CRPPA: variants seen among roughly 807,000 people sequenced by gnomAD.
CRPPA encodes CDP-L-ribitol pyrophosphorylase A.
In CRPPA, 43 loss-of-function variants were observed where a neutral mutation model predicts 52.0. That is an observed-to-expected ratio of 0.83 (90% CI 0.65 to 1.07). The LOEUF (loss-of-function observed/expected upper bound fraction) is 1.07. Ranked by LOEUF, CRPPA falls within the 50% of genes least tolerant of loss-of-function variation. The probability of loss-of-function intolerance (pLI) is 0.00; values close to 1 mark genes in which losing one functional copy is unlikely to be tolerated. For synonymous variants in CRPPA, 250 were observed against 203.5 expected (o/e 1.23, Z -1.94); for missense variants, 629 against 551.7 (o/e 1.14, Z -1.40).
chr7:16,242,213 C>G (rs1370000056), intron 8 of CRPPA, among the ~76,000 whole-genome samples: 1 of 151,942 alleles, frequency 6.6e-6, no homozygotes, highest in Non-Finnish European at 1.5e-5. Flanking sequence ...CTCTGCCTCC[C>G]AAAGTGTTGG....
chr7:16,088,510 C>T lies in CRPPA; in HGVS notation c.*3185G>A, dbSNP rs1013622565. ...TCGGCTCACTGCAAGCTCCGCCTCC[C>T]AGGTTGACGCCATTCTCCTGCCTAA... On this transcript the variant is annotated 3_prime_UTR_variant, in exon 10 of 10. Transcript: ENST00000407010. 8 of 151,180 alleles carry T rather than the reference C, an allele frequency of 5.3e-5. No individual in the cohort carries two copies. Among genetic ancestry groups the T allele is most frequent in the African/African-American group, 1.7e-4 (7 of 41,060 alleles). 9.4% of individuals were successfully genotyped at this position (151,180 alleles called of 1,614,324 possible).
At chr7:16,323,693 T>A (rs1368031071) in intron 3 of CRPPA, among the ~76,000 whole-genome samples, 1 of 152,198 alleles carries the variant, frequency 6.6e-6, no homozygotes, top group Non-Finnish European at 1.5e-5. Flanking sequence ...CAAACTGATA[T>A]AATTGCTTAA....
chr7:16,155,735 T>C (rs1385499528), intron 9 of CRPPA, among the ~76,000 whole-genome samples: 1 of 152,220 alleles, frequency 6.6e-6, no homozygotes, highest in East Asian at 1.9e-4. Context: ...ATTATGCTAT[T>C]AGTAGTCAAG....
At chr7:16,171,055 T>A (rs2128385267) in intron 9 of CRPPA, among the ~76,000 whole-genome samples, 1 of 152,300 alleles carries the variant, frequency 6.6e-6, no homozygotes, top group South Asian at 2.1e-4. Flanking sequence ...TCCTCAAGCG[T>A]GGTCAGAGTG....
intron 9 of CRPPA, among the ~76,000 whole-genome samples, chr7:16,131,816 A>T (rs558964072): frequency 1.3e-5 from 2 of 152,298 alleles, no homozygotes; most frequent in South Asian, 4.1e-4. Context: ...CTCGAACTCA[A>T]GTGATCTGCC....
rs2128360357 is a variant in CRPPA at position 16,089,494 on chromosome 7, T to G, written c.*2201A>C. The G allele has an allele frequency of 3.3e-6, 1 of 299,714 alleles. No homozygotes were observed. Among genetic ancestry groups the G allele is most frequent in the South Asian group, 2.7e-5 (1 of 36,916 alleles). 18.6% of individuals were successfully genotyped at this position (299,714 alleles called of 1,614,324 possible). A position where few individuals can be genotyped will look rare whatever the true frequency, so the allele number is the denominator to read the frequency against. ...GTACGTACATATATACGGGTATATA[T>G]GTACGTACATACATAGATATGGGTA... On this transcript the variant is annotated 3_prime_UTR_variant, in exon 10 of 10. Coordinates refer to ENST00000407010, the MANE Select transcript of CRPPA (RefSeq NM_001101426.4).
chr7:16,147,489 C>A (rs1037645118), intron 9 of CRPPA, among the ~76,000 whole-genome samples: 1 of 152,180 alleles, frequency 6.6e-6, no homozygotes, highest in East Asian at 1.9e-4. Flanking sequence ...CTCTACCAAG[C>A]ACAGTCTTCT....
chr7:16,170,371 T>C (rs1321434303), intron 9 of CRPPA, among the ~76,000 whole-genome samples: 3 of 152,040 alleles, frequency 2.0e-5, no homozygotes, highest in Admixed American at 6.6e-5. Context: ...TCGCGGTGAG[T>C]GTTACAGTTC....
chr7:16,202,254 A>G (rs1418635284), intron 9 of CRPPA, among the ~76,000 whole-genome samples: 2 of 152,168 alleles, frequency 1.3e-5, no homozygotes, highest in African/African-American at 4.8e-5. Flanking sequence ...TTTTACCGCT[A>G]TAACTTGAAC....
chr7:16,124,353 C>A (rs1453777252), intron 9 of CRPPA, among the ~76,000 whole-genome samples: 1 of 151,814 alleles, frequency 6.6e-6, no homozygotes, highest in Non-Finnish European at 1.5e-5. Context: ...AAGTGACTTT[C>A]AGATTAATTT....
intron 4 of CRPPA, among the ~76,000 whole-genome samples, chr7:16,306,058 A>T (rs79238792): frequency 6.6e-6 from 1 of 152,162 alleles, no homozygotes; most frequent in East Asian, 1.9e-4. Context: ...TGTCACTCCA[A>T]TATCCACCTC....
intron 5 of CRPPA, among the ~76,000 whole-genome samples, chr7:16,288,869 A>AG (rs1784502210): frequency 1.4e-5 from 2 of 142,426 alleles, no homozygotes; most frequent in Non-Finnish European, 3.0e-5. Context: ...AAAAAAAAAA[A>AG]TCCCCAAAAA....
At chr7:16,142,237 G>A (rs1051114039) in intron 9 of CRPPA, among the ~76,000 whole-genome samples, 4 of 152,108 alleles carry the variant, frequency 2.6e-5, no homozygotes, top group Non-Finnish European at 5.9e-5. Context: ...AGGGCTACAT[G>A]TGCAGGTTTG....
chr7:16,176,693 C>A (rs1389998971), intron 9 of CRPPA, among the ~76,000 whole-genome samples: 1 of 152,164 alleles, frequency 6.6e-6, no homozygotes, highest in Non-Finnish European at 1.5e-5. Context: ...CCTCTCACCT[C>A]AGCCTCCGCA....
At chr7:16,197,802 G>A (rs1430518170) in intron 9 of CRPPA, among the ~76,000 whole-genome samples, 1 of 150,488 alleles carries the variant, frequency 6.6e-6, no homozygotes, top group Non-Finnish European at 1.5e-5. Context: ...ATTTTGTTAT[G>A]TACTAAGAAA....
intron 9 of CRPPA, among the ~76,000 whole-genome samples, chr7:16,116,101 C>T (rs751815080): frequency 7.2e-5 from 11 of 152,050 alleles, no homozygotes; most frequent in Non-Finnish European, 1.5e-4. Context: ...AAATATTTTA[C>T]CATAATTATT....
At chr7:16,258,698 G>T (rs567924555) in intron 7 of CRPPA, among the ~76,000 whole-genome samples, 10 of 151,848 alleles carry the variant, frequency 6.6e-5, no homozygotes, top group South Asian at 2.1e-4. Context: ...TACCTACTTT[G>T]GACCAGGTAC....
At chr7:16,166,866 A>ACAAT (rs1048851645) in intron 9 of CRPPA, among the ~76,000 whole-genome samples, 2 of 151,130 alleles carry the variant, frequency 1.3e-5, no homozygotes, top group African/African-American at 2.4e-5. Flanking sequence ...TTCCTACATA[A>ACAAT]CAATACCATC....
In CRPPA at chr7:16,196,864, G is replaced by A. The variant is rs147955523; in HGVS notation, c.1251+19202C>T. On this transcript the variant is annotated intron_variant, in intron 9 of 9. Transcript: ENST00000407010. ...AGATCACTCTTAGAGTTTTGCTGCC[G>A]TTTCCATACTAATGTGTTTTCATAA... 6.4e-3 allele frequency among the ~76,000 whole-genome samples: 968 copies of A among 152,064 alleles called. 5 individuals carry two copies. The highest frequency in any genetic ancestry group is 0.016 in the South Asian group (78 of 4,820).
Sources: gnomAD v4.1 joint callset for allele counts (sites outside exome capture counted in the v4.1 genomes callset) on GRCh38, gnomAD v4.1.1 for gene constraint, MANE v1.5 for transcripts, NCBI Gene and HGNC (gene_info 2026-07-23, HGNC 2026-07-21) for gene names.